Variants in CTNNA2 observed in about 807,000 individuals in gnomAD.
CTNNA2 encodes catenin alpha 2.
Under a neutral mutation model 101.0 loss-of-function variants are expected in CTNNA2, and 42 were observed. The observed-to-expected ratio is 0.42, with a 90% CI of 0.32 to 0.54. CTNNA2 has a LOEUF of 0.54. Among genes scored for constraint, CTNNA2 ranks in the 20% least tolerant of loss-of-function variants. The pLI is 0.14. For missense variants in CTNNA2, 871 were observed against 1,223.1 expected (o/e 0.71, Z 4.29); for synonymous variants, 450 against 456.4 (o/e 0.99, Z 0.18).
chr2:79,290,662 CG>C (rs1344542806), intron 2 of CTNNA2, among the ~76,000 whole-genome samples: 20 of 152,082 alleles, frequency 1.3e-4, no homozygotes, highest in African/African-American at 4.1e-4. Context: ...ACCAGCAGGC[CG>C]GCAGGCCATC....
At chr2:79,805,025 A>G (rs114933434) in intron 3 of CTNNA2, among the ~76,000 whole-genome samples, 1,859 of 152,218 alleles carry the variant, frequency 0.012, 47 homozygotes, top group South Asian at 0.11. Flanking sequence ...TGTATATAGG[A>G]AGGCTTGTGG....
chr2:79,249,022 C>T (rs1674735811), intron 2 of CTNNA2, among the ~76,000 whole-genome samples: 1 of 152,166 alleles, frequency 6.6e-6, no homozygotes, highest in Non-Finnish European at 1.5e-5. Context: ...CTGTTAATTT[C>T]ACAGGCTTTG....
chr2:79,992,132 A>G (rs758894266), intron 7 of CTNNA2, among the ~76,000 whole-genome samples: 7 of 152,192 alleles, frequency 4.6e-5, no homozygotes, highest in Non-Finnish European at 7.3e-5. Flanking sequence ...AATGTAATTT[A>G]TCTTTCAGAG....
chr2:79,732,071 A>G (rs1687233671), intron 2 of CTNNA2, among the ~76,000 whole-genome samples: 1 of 152,090 alleles, frequency 6.6e-6, no homozygotes, highest in Admixed American at 6.6e-5. Context: ...TGTCTATACT[A>G]GTGTCATAAT....
At chr2:80,143,547 AC>A (rs1164165245) in intron 7 of CTNNA2, among the ~76,000 whole-genome samples, 3 of 152,054 alleles carry the variant, frequency 2.0e-5, no homozygotes, top group Non-Finnish European at 4.4e-5. Context: ...CCTAACTGAA[AC>A]TTCACACTCT....
chr2:80,122,753 G>T (rs62141433), intron 7 of CTNNA2, among the ~76,000 whole-genome samples: 10,562 of 152,140 alleles, frequency 0.069, 395 homozygotes, highest in African/African-American at 0.094. Flanking sequence ...GTGTGTGTGC[G>T]CATGTGCATA....
At chr2:79,314,882 A>C (rs1330828144) in intron 3 of CTNNA2, among the ~76,000 whole-genome samples, 1 of 152,202 alleles carries the variant, frequency 6.6e-6, no homozygotes, top group Admixed American at 6.5e-5. Flanking sequence ...TGGTAGTGCC[A>C]TGAAGTCATC....
chr2:79,211,825 T>C (rs577318815), intron 2 of CTNNA2, among the ~76,000 whole-genome samples: 6 of 152,078 alleles, frequency 3.9e-5, no homozygotes, highest in South Asian at 2.1e-4. Context: ...ATGGCAACAA[T>C]TTTGGGGGAT....
Position 79,526,579 on chromosome 2 carries a change from G to A in CTNNA2, c.-6+13372G>A, listed in dbSNP as rs191538090. Among the ~76,000 whole-genome samples the A allele has an allele frequency of 1.2e-3, 178 of 151,938 alleles. 1 individual carries two copies. Among genetic ancestry groups the A allele is most frequent in the African/African-American group, 3.9e-3 (163 of 41,474 alleles). ...ACACTTCTTAATTTCAAAACTAACC[G>A]CAAAAGTATAATAATCGAGACTAAA... is the stretch of plus-strand genomic sequence containing the variant. On this transcript the variant is annotated intron_variant, in intron 1 of 18. Coordinates refer to ENST00000402739, the MANE Select transcript of CTNNA2 (RefSeq NM_001282597.3).
intron 7 of CTNNA2, among the ~76,000 whole-genome samples, chr2:80,192,824 A>G (rs1706597091): frequency 6.6e-6 from 1 of 152,182 alleles, no homozygotes; most frequent in African/African-American, 2.4e-5. Flanking sequence ...CTAATCTGTA[A>G]ACTTTTCAAA....
At chr2:79,397,375 TC>T (rs1286293430) in intron 4 of CTNNA2, among the ~76,000 whole-genome samples, 1 of 152,068 alleles carries the variant, frequency 6.6e-6, no homozygotes, top group African/African-American at 2.4e-5. Context: ...TACCCACCCT[TC>T]CTTTTCCAGC....
intron 7 of CTNNA2, among the ~76,000 whole-genome samples, chr2:80,228,951 T>C (rs950194381): frequency 1.3e-5 from 2 of 152,222 alleles, no homozygotes; most frequent in African/African-American, 4.8e-5. Context: ...GCATGCATTT[T>C]AGATTCAAAT....
chr2:80,639,535 G>GTGTGTGTGTGTGTGTGTGTGTC (rs1224617726), intron 18 of CTNNA2, among the ~76,000 whole-genome samples: 20 of 151,920 alleles, frequency 1.3e-4, no homozygotes, highest in African/African-American at 4.8e-4. Flanking sequence ...GTGTGTGTGT[G>GTGTGTGTGTGTGTGTGTGTGTC]TGTGTCTGTG....
At chr2:79,618,401 T>C (rs963812616) in intron 1 of CTNNA2, among the ~76,000 whole-genome samples, 1 of 152,214 alleles carries the variant, frequency 6.6e-6, no homozygotes, top group Non-Finnish European at 1.5e-5. Context: ...TCTGGCCCCA[T>C]GTTCCGAAGC....
chr2:79,731,530 A>G (rs899859829), intron 2 of CTNNA2, among the ~76,000 whole-genome samples: 10 of 152,090 alleles, frequency 6.6e-5, no homozygotes, highest in South Asian at 2.1e-4. Context: ...CACCAGAACT[A>G]TTTGTGCTAG....
chr2:80,077,046 AAAAC>A (rs911989172), intron 7 of CTNNA2, among the ~76,000 whole-genome samples: 47 of 152,242 alleles, frequency 3.1e-4, no homozygotes, highest in Middle Eastern at 3.4e-3. Context: ...ACTCTGTCTC[AAAAC>A]AAACAAACAA....
At chr2:79,704,541 C>T (rs371324284) in intron 2 of CTNNA2, among the ~76,000 whole-genome samples, 1 of 132,560 alleles carries the variant, frequency 7.5e-6, no homozygotes, top group Admixed American at 8.4e-5. Flanking sequence ...GAGACGGAGT[C>T]TCGCTCTGTT....
intron 1 of CTNNA2, among the ~76,000 whole-genome samples, chr2:79,607,260 G>A (rs1229505986): frequency 6.6e-6 from 1 of 152,094 alleles, no homozygotes; most frequent in Non-Finnish European, 1.5e-5. Flanking sequence ...TAGAATATGT[G>A]GCACATAAAC....
At chr2:79,527,755 TA>T (rs1003396172) in intron 1 of CTNNA2, among the ~76,000 whole-genome samples, 1 of 152,160 alleles carries the variant, frequency 6.6e-6, no homozygotes, top group Non-Finnish European at 1.5e-5. Flanking sequence ...AACAGTTTGG[TA>T]GTTTCTCAAA....
Sources: gnomAD v4.1 joint callset for allele counts (sites outside exome capture counted in the v4.1 genomes callset) on GRCh38, gnomAD v4.1.1 for gene constraint, MANE v1.5 for transcripts, NCBI Gene and HGNC (gene_info 2026-07-23, HGNC 2026-07-21) for gene names.